GFRA1: variants seen among roughly 807,000 people sequenced by gnomAD.
GFRA1 encodes the protein GDNF family receptor alpha 1.
Under a neutral mutation model 51.6 loss-of-function variants are expected in GFRA1, and 16 were observed. The ratio of observed to expected loss-of-function variants is 0.31; its 90% CI spans 0.21 to 0.47. The LOEUF (loss-of-function observed/expected upper bound fraction) is 0.47, where lower values mean the gene tolerates loss of function less well. Ranked by LOEUF, GFRA1 falls within the 20% of genes least tolerant of loss-of-function variation. The probability of loss-of-function intolerance (pLI) is 1.00; values close to 1 mark genes in which losing one functional copy is unlikely to be tolerated. For synonymous variants in GFRA1, 270 were observed against 241.3 expected (o/e 1.12, Z -1.10); for missense variants, 530 against 594.3 (o/e 0.89, Z 1.13).
chr10:116,074,186 C>T (rs1035658496), intron 9 of GFRA1, among the ~76,000 whole-genome samples: 4 of 151,998 alleles, frequency 2.6e-5, no homozygotes. Flanking sequence ...ACAGGGGTTC[C>T]GAGAGGTGAT....
rs936689487 is a variant in GFRA1 at position 116,186,830 on chromosome 10, C to A, written c.433+24801G>T. ...GGACTTTCTCCCCAAAGAAATGGAA[C>A]AATTTTCACTGCAATTCATACCCCG... On this transcript the variant is annotated intron_variant, in intron 5 of 10. Coordinates refer to ENST00000355422, the MANE Select transcript of GFRA1 (RefSeq NM_005264.8). Among the ~76,000 whole-genome samples the A allele has an allele frequency of 3.3e-5, 5 of 152,284 alleles. No individual in the cohort carries two copies. In the South Asian group the frequency reaches 1.0e-3, roughly 32 times the overall value.
intron 5 of GFRA1, among the ~76,000 whole-genome samples, chr10:116,133,666 T>C (rs908797757): frequency 2.0e-5 from 3 of 152,356 alleles, no homozygotes; most frequent in African/African-American, 7.2e-5. Flanking sequence ...GAATAAAATG[T>C]GGTGATGAGG....
intron 5 of GFRA1, among the ~76,000 whole-genome samples, chr10:116,176,722 C>T (rs544474004): frequency 7.7e-6 from 1 of 129,952 alleles, no homozygotes; most frequent in Non-Finnish European, 1.7e-5. Flanking sequence ...CCCTCCCTCC[C>T]TCCCTCCTTC....
At position 116,156,892 on chromosome 10, in the gene GFRA1, C is replaced by T. The variant is rs148948278; in HGVS notation, c.434-31335G>A. Among the ~76,000 whole-genome samples, 94 of 152,278 alleles carry T rather than the reference C, an allele frequency of 6.2e-4. 2 individuals carry two copies. The East Asian group carries it at 0.014, about 23-fold the overall frequency. ...GAGGCTTCATTATCTCCTCCCCCAA[C>T]GCATTGCAAGGGGGTGCCCTCATTT... On this transcript the variant is annotated intron_variant, in intron 5 of 10. Coordinates refer to ENST00000355422, the MANE Select transcript of GFRA1 (RefSeq NM_005264.8).
At chr10:116,250,630 G>A (rs1968258230) in intron 4 of GFRA1, among the ~76,000 whole-genome samples, 1 of 152,178 alleles carries the variant, frequency 6.6e-6, no homozygotes, top group Non-Finnish European at 1.5e-5. Flanking sequence ...CAAAGTCTCT[G>A]GTCCAGACGG....
intron 4 of GFRA1, among the ~76,000 whole-genome samples, chr10:116,235,257 T>G (rs1319987697): frequency 1.3e-5 from 2 of 152,188 alleles, no homozygotes; most frequent in African/African-American, 4.8e-5. Flanking sequence ...AAATGGCCAC[T>G]GTGGCTTGCC....
At position 116,269,560 on chromosome 10, in the gene GFRA1, A is replaced by G. The variant is rs756538022; in HGVS notation, c.361T>C (p.Tyr121His). 4 of 1,606,106 alleles carry G rather than the reference A, an allele frequency of 2.5e-6. No individual in the cohort carries two copies. The highest frequency in any genetic ancestry group is 3.4e-6 in the Non-Finnish European group (4 of 1,172,684). The stretch of plus-strand genomic sequence containing the variant: ...GACAATCTGCTGTTAACTGGTTCAT[A>G]TGGGGAATCCTCCAGCAGATCATTT... ...QGNDLLEDSP[Y>H]EPVNSRLSDI... Residue 121 changes from tyrosine to histidine, a missense_variant, in exon 4 of 11, where the codon TAT becomes CAT. Coordinates refer to ENST00000355422, the MANE Select transcript of GFRA1 (RefSeq NM_005264.8).
At chr10:116,238,764 C>A (rs551677656) in intron 4 of GFRA1, among the ~76,000 whole-genome samples, 1 of 152,122 alleles carries the variant, frequency 6.6e-6, no homozygotes, top group Non-Finnish European at 1.5e-5. Flanking sequence ...TCTCTTCTTC[C>A]GTGTTTAACT....
At chr10:116,106,436 CT>C (rs1957007727) in intron 6 of GFRA1, among the ~76,000 whole-genome samples, 2 of 152,204 alleles carry the variant, frequency 1.3e-5, no homozygotes, top group African/African-American at 4.8e-5. Context: ...TCTCTGAAGC[CT>C]AGTGATATAG....
intron 6 of GFRA1, among the ~76,000 whole-genome samples, chr10:116,123,252 G>C (rs774434545): frequency 1.3e-5 from 2 of 152,194 alleles, no homozygotes; most frequent in Non-Finnish European, 2.9e-5. Context: ...ACAGCTAAGA[G>C]GGCCTCAATG....
intron 5 of GFRA1, among the ~76,000 whole-genome samples, chr10:116,138,264 C>T (rs1958415468): frequency 6.6e-6 from 1 of 152,126 alleles, no homozygotes; most frequent in Non-Finnish European, 1.5e-5. Flanking sequence ...AAATTTGGTT[C>T]CTTCAGTGAC....
chr10:116,267,948 C>CAA (rs113122060), intron 4 of GFRA1, among the ~76,000 whole-genome samples: 963 of 96,088 alleles, frequency 0.01, 7 homozygotes, highest in East Asian at 0.038. Flanking sequence ...CTAACACACA[C>CAA]ACACACACAC....
At chr10:116,222,191 CTTT>C (rs995353474) in intron 4 of GFRA1, among the ~76,000 whole-genome samples, 3 of 151,926 alleles carry the variant, frequency 2.0e-5, no homozygotes, top group African/African-American at 4.8e-5. Flanking sequence ...TTCTTTTCTT[CTTT>C]ATTTATTTAT....
chr10:116,087,906 A>G (rs1379055818), intron 9 of GFRA1, among the ~76,000 whole-genome samples: 1 of 152,176 alleles, frequency 6.6e-6, no homozygotes, highest in Non-Finnish European at 1.5e-5. Context: ...TCCACGCCAT[A>G]GTATTTCCCA....
At chr10:116,132,201 G>C (rs12778389) in intron 5 of GFRA1, among the ~76,000 whole-genome samples, 18,737 of 152,086 alleles carry the variant, frequency 0.12, 1,390 homozygotes, top group East Asian at 0.2. Flanking sequence ...AAGAGCGAAA[G>C]TGTGTCTCAA....
chr10:116,210,388 A>G (rs1262957756), intron 5 of GFRA1, among the ~76,000 whole-genome samples: 9 of 152,284 alleles, frequency 5.9e-5, no homozygotes, highest in Non-Finnish European at 8.8e-5. Flanking sequence ...TGATCTGCCT[A>G]GAGTGCCCCA....
chr10:116,268,875 A>T (rs910487857), intron 4 of GFRA1, among the ~76,000 whole-genome samples: 1 of 152,242 alleles, frequency 6.6e-6, no homozygotes, highest in Non-Finnish European at 1.5e-5. Flanking sequence ...CCACACATAG[A>T]ACTGCAAAGA....
At chr10:116,156,165 G>T (rs954910215) in intron 5 of GFRA1, among the ~76,000 whole-genome samples, 2 of 152,142 alleles carry the variant, frequency 1.3e-5, no homozygotes, top group Non-Finnish European at 2.9e-5. Context: ...ACTCTTCTTG[G>T]TTAGAGATTC....
At chr10:116,096,882 CACACA>C (rs767476653) in intron 6 of GFRA1, 118 bp from the exon 7 acceptor site, 3 of 298,430 alleles carry the variant, frequency 1.0e-5, no homozygotes, top group Middle Eastern at 4.9e-4. Flanking sequence ...CACGCACACG[CACACA>C]CACACACACA....
Sources: allele counts gnomAD v4.1 joint callset (sites outside exome capture counted in the v4.1 genomes callset), GRCh38; gene constraint gnomAD v4.1.1; transcripts MANE v1.5; gene names NCBI Gene and HGNC (gene_info 2026-07-23, HGNC 2026-07-21).